Variants in ZIC4 observed in about 807,000 individuals in gnomAD.
The protein encoded by ZIC4 is zinc finger protein ZIC 4.
A neutral mutation model predicts 28.8 loss-of-function variants in ZIC4; 15 were observed. That is an observed-to-expected ratio of 0.52 (90% CI 0.35 to 0.80). ZIC4 has a LOEUF of 0.80. Among genes scored for constraint, ZIC4 ranks in the 30% least tolerant of loss-of-function variants. The pLI, the probability that ZIC4 is intolerant of heterozygous loss-of-function variation, is 0.01. For synonymous variants in ZIC4, 220 were observed against 198.1 expected (o/e 1.11, Z -0.93); for missense variants, 512 against 467.1 (o/e 1.10, Z -0.89).
chr3:147,394,228 G>T (rs1251484641), intron 3 of ZIC4, among the ~76,000 whole-genome samples: 3 of 151,616 alleles, frequency 2.0e-5, no homozygotes, highest in African/African-American at 4.8e-5. Context: ...GTTGTTGGTC[G>T]TGTTTGTTTG....
At chr3:147,391,976 C>T (rs1364438828) in intron 3 of ZIC4, 7 of 985,326 alleles carry the variant, frequency 7.1e-6, no homozygotes, top group Non-Finnish European at 8.4e-6. Context: ...TTGCCTAAAC[C>T]TTCCGGGATC....
chr3:147,396,394 T>C lies in ZIC4; in HGVS notation c.146A>G (p.Glu49Gly). Reference protein sequence around the residue: ...SPSVFPGLHEEPPQASPSRPL... With the variant: ...SPSVFPGLHEGPPQASPSRPL... ...ACGGCTGGGGGAGGCCTGGGGAGGC[T>C]CCTCGTGGAGGCCCGGGAACACCGA... Residue 49 changes from glutamate to glycine, a missense_variant, in exon 3 of 5, where the codon GAG becomes GGG. Physicochemically the swap from Glu to Gly is moderately conservative, Grantham distance 98 (BLOSUM62 -2). This residue lies in a region of ZIC4 where 310 missense variants were observed against 256.5 expected (regional missense o/e 1.21). Coordinates refer to ENST00000383075, the MANE Select transcript of ZIC4 (RefSeq NM_032153.6). This position sits in a 1 kb window ranked among gnomAD's most constrained non-coding sequence, Gnocchi z 4.2. 1 of 1,527,856 alleles carries C rather than the reference T, an allele frequency of 6.5e-7. No individual in the cohort carries two copies. The highest frequency in any genetic ancestry group is 8.8e-7 in the Non-Finnish European group (1 of 1,141,888). The allele number at this position is 1,527,856 out of a possible 1,614,324, so 94.6% of individuals were successfully genotyped here.
chr3:147,396,276 G>A lies in ZIC4; in HGVS notation c.264C>T (p.Ala88=). The change falls in exon 3 of 5, where the codon GCC becomes GCT. Residue 88 remains alanine, a synonymous_variant. Coordinates refer to ENST00000383075, the MANE Select transcript of ZIC4 (RefSeq NM_032153.6). The surrounding 1 kb of genome is among the most constrained non-coding windows in gnomAD (Gnocchi z 4.2). The part of the protein sequence containing the change: ...FPPGPAARSD[A]LAAAAALHGY... Reference sequence around the variant, plus strand: ...CATGCAGGGCTGCGGCAGCTGCCAGGGCGTCGCTGCGGGCCGCAGGCCCTG... The same window carrying A: ...CATGCAGGGCTGCGGCAGCTGCCAGAGCGTCGCTGCGGGCCGCAGGCCCTG... The A allele has an allele frequency of 6.2e-7, 1 of 1,610,346 alleles. No homozygotes were observed. Among genetic ancestry groups the A allele is most frequent in the Non-Finnish European group, 8.5e-7 (1 of 1,178,264 alleles).
Position 147,395,942 on chromosome 3 carries a change from C to T in ZIC4, c.598G>A (p.Gly200Ser), listed in dbSNP as rs1245302153. Residue 200 changes from glycine to serine, a missense_variant, in exon 3 of 5, where the codon GGC (glycine) becomes AGC (serine). Gly to Ser is a moderately conservative substitution (Grantham distance 56). Coordinates refer to ENST00000383075, the MANE Select transcript of ZIC4 (RefSeq NM_032153.6). ...KLVNHIRVHT[G>S]EKPFPCPFPG... ...AAAGGACAAGGGAAGGGCTTCTCGC[C>T]CGTGTGCACGCGGATGTGATTTACA... is the stretch of plus-strand genomic sequence containing the variant. 1 of 1,614,234 alleles carries T rather than the reference C, an allele frequency of 6.2e-7. No homozygotes were observed. Among genetic ancestry groups the T allele is most frequent in the Non-Finnish European group, 8.5e-7 (1 of 1,180,050 alleles).
chr3:147,402,827 A>G lies in ZIC4; in HGVS notation c.-15-15T>C, dbSNP rs1160156873. 1.2e-6 allele frequency: 2 copies of G among 1,611,146 alleles called. No homozygotes were observed. The highest frequency in any genetic ancestry group is 2.7e-5 in the African/African-American group (2 of 74,812). On this transcript the variant is annotated splice_polypyrimidine_tract_variant and intron_variant, in intron 1 of 4. Transcript: ENST00000383075. ...TGACTTTGAGCCTGTTTGGGAAGAAAAGAGTGACAGTCACTAGTTAAACAA... is the reference window on the plus strand; with the variant it reads ...TGACTTTGAGCCTGTTTGGGAAGAAGAGAGTGACAGTCACTAGTTAAACAA...
rs1006876526 is a variant in ZIC4 at position 147,396,350 on chromosome 3, G to A, written c.190C>T (p.Arg64Cys). The stretch of plus-strand genomic sequence containing the variant: ...TACATGTCTCCAGGGAGCCCCAGAC[G>A]CAGGAGTCCATTCAAAGGACGGCTG... ...SPSRPLNGLLRLGLPGDMYAR... is the reference protein window; with the variant it reads ...SPSRPLNGLLCLGLPGDMYAR... Residue 64 changes from arginine (R) to cysteine (C), a missense_variant, in exon 3 of 5, where the codon CGT becomes TGT. Coordinates refer to ENST00000383075, the MANE Select transcript of ZIC4 (RefSeq NM_032153.6). This position sits in a 1 kb window ranked among gnomAD's most constrained non-coding sequence, Gnocchi z 4.2. 2.6e-6 allele frequency: 4 copies of A among 1,563,094 alleles called. No individual in the cohort carries two copies. The highest frequency in any genetic ancestry group is 1.9e-5 in the Admixed American group (1 of 51,582).
chr3:147,396,434 C>T lies in ZIC4; in HGVS notation c.106G>A (p.Ala36Thr). 2 of 1,520,650 alleles carry T rather than the reference C, an allele frequency of 1.3e-6. No homozygotes were observed. Among genetic ancestry groups the T allele is most frequent in the Non-Finnish European group, 1.8e-6 (2 of 1,138,206 alleles). The allele number at this position is 1,520,650 out of a possible 1,614,324, so 94.2% of individuals were successfully genotyped here. ...SSGHHGPQLTAASSPSVFPGL... is the reference protein window; with the variant it reads ...SSGHHGPQLTTASSPSVFPGL... Reference sequence around the variant, plus strand: ...GGGAACACCGAGGGGCTGGAGGCGGCGGTGAGCTGGGGGCCATGGTGTCCA... The same window carrying T: ...GGGAACACCGAGGGGCTGGAGGCGGTGGTGAGCTGGGGGCCATGGTGTCCA... Residue 36 changes from alanine to threonine, a missense_variant, in exon 3 of 5, where the codon GCC becomes ACC. By Grantham distance (58) the Ala-to-Thr change is moderately conservative. Around this residue, in one of 3 missense-constraint regions of ZIC4, gnomAD observed 310 missense variants for 256.5 expected, o/e 1.21. Transcript: ENST00000383075. This position sits in a 1 kb window ranked among gnomAD's most constrained non-coding sequence, Gnocchi z 4.2.
intron 4 of ZIC4, chr3:147,389,112 G>A (rs2086854726): frequency 1.8e-6 from 1 of 566,960 alleles, no homozygotes; most frequent in African/African-American, 1.9e-5. Context: ...CCGACTGCCC[G>A]CGCTGGGTCA....
intron 2 of ZIC4, among the ~76,000 whole-genome samples, chr3:147,401,489 C>G (rs1198902169): frequency 6.7e-6 from 1 of 149,488 alleles, no homozygotes; most frequent in Middle Eastern, 3.2e-3. Flanking sequence ...GAATGTTCTG[C>G]ACTAAATCAA....
intron 3 of ZIC4, chr3:147,393,888 A>T (rs913904531): frequency 1.8e-5 from 8 of 456,564 alleles, no homozygotes; most frequent in African/African-American, 1.4e-4. Flanking sequence ...TGACCGCCAC[A>T]AAGTGAATCC....
intron 1 of ZIC4, chr3:147,403,953 G>C: frequency 6.5e-7 from 1 of 1,536,168 alleles, no homozygotes; most frequent in South Asian, 1.2e-5. Flanking sequence ...GAGGCAGGGG[G>C]GTAGACTCAC....
intron 1 of ZIC4, chr3:147,405,328 G>T (rs1168986411): frequency 1.3e-6 from 2 of 1,494,366 alleles, no homozygotes; most frequent in South Asian, 1.3e-5. Context: ...CAGTGGTGTG[G>T]GTCGCTGCGA....
Position 147,396,216 on chromosome 3 carries a change from A to T in ZIC4, c.324T>A (p.Ala108=). 6.2e-7 allele frequency: 1 copy of T among 1,613,958 alleles called. No homozygotes were observed. Among genetic ancestry groups the T allele is most frequent in the Non-Finnish European group, 8.5e-7 (1 of 1,179,954 alleles). Residue 108 remains alanine, a synonymous_variant, in exon 3 of 5, where the codon GCT becomes GCA. Coordinates refer to ENST00000383075, the MANE Select transcript of ZIC4 (RefSeq NM_032153.6). The surrounding 1 kb of genome is among the most constrained non-coding windows in gnomAD (Gnocchi z 4.2). ...YGGMNLTVNL[A]APHGPGAFFR... is the part of the protein sequence containing the mutation. ...AGAAAGCGCCAGGACCGTGGGGCGC[A>T]GCGAGGTTCACCGTCAGGTTCATGC...
Position 147,388,754 on chromosome 3 carries a change from C to A in ZIC4, c.*105G>T. The A allele has an allele frequency of 2.8e-6, 2 of 724,822 alleles. No individual in the cohort carries two copies. The highest frequency in any genetic ancestry group is 2.5e-5 in the East Asian group (1 of 40,402). 44.9% of individuals were successfully genotyped at this position (724,822 alleles called of 1,614,324 possible). Reference sequence around the variant, plus strand: ...AACTTACCATGAAGATGCACCGTGGCGAAGAAACACTGCTTTGTGCGCGGG... The same window carrying A: ...AACTTACCATGAAGATGCACCGTGGAGAAGAAACACTGCTTTGTGCGCGGG... On this transcript the variant is annotated 3_prime_UTR_variant, in exon 5 of 5. Transcript: ENST00000383075.
At chr3:147,389,095 T>C in intron 4 of ZIC4, 2 of 574,556 alleles carry the variant, frequency 3.5e-6, no homozygotes, top group East Asian at 2.9e-5. Context: ...GAAGGAGTTG[T>C]TTGTTGCCGA....
chr3:147,394,531 A>G (rs1210895720), intron 3 of ZIC4, among the ~76,000 whole-genome samples: 10 of 150,584 alleles, frequency 6.6e-5, no homozygotes, highest in African/African-American at 2.4e-4. Context: ...CAGGACTGCG[A>G]GTCTACCTTC....
In ZIC4 at chr3:147,396,423, G is replaced by A. The variant is rs373963441; in HGVS notation, c.117C>T (p.Ser39=). 2 of 1,522,114 alleles carry A rather than the reference G, an allele frequency of 1.3e-6. No homozygotes were observed. Among genetic ancestry groups the A allele is most frequent in the Non-Finnish European group, 1.8e-6 (2 of 1,138,964 alleles). 94.3% of individuals were successfully genotyped at this position (1,522,114 alleles called of 1,614,324 possible). ...HHGPQLTAAS[S]PSVFPGLHEE... ...CGTGGAGGCCCGGGAACACCGAGGGGCTGGAGGCGGCGGTGAGCTGGGGGC... is the reference window on the plus strand; with the variant it reads ...CGTGGAGGCCCGGGAACACCGAGGGACTGGAGGCGGCGGTGAGCTGGGGGC... Residue 39 remains serine, a synonymous_variant, in exon 3 of 5, where the codon AGC becomes AGT. Coordinates refer to ENST00000383075, the MANE Select transcript of ZIC4 (RefSeq NM_032153.6). The surrounding 1 kb of genome is among the most constrained non-coding windows in gnomAD (Gnocchi z 4.2).
chr3:147,391,955 T>C, intron 3 of ZIC4: 1 of 985,354 alleles, frequency 1.0e-6, no homozygotes, highest in Non-Finnish European at 1.2e-6. Flanking sequence ...TTTAGCAGCA[T>C]TCTTCAAATC....
At chr3:147,400,841 G>A (rs961291308) in intron 2 of ZIC4, among the ~76,000 whole-genome samples, 1 of 151,636 alleles carries the variant, frequency 6.6e-6, no homozygotes, top group East Asian at 1.9e-4. Context: ...AAGGAATGGT[G>A]TCTCCTCAGT....
Sources: gnomAD v4.1 joint callset for allele counts (sites outside exome capture counted in the v4.1 genomes callset) on GRCh38, gnomAD v4.1.1 for gene constraint, gnomAD v4.1.1 regional missense constraint, Gnocchi (gnomAD v3.1) non-coding constraint, MANE v1.5 for transcripts, NCBI Gene and HGNC (gene_info 2026-07-23, HGNC 2026-07-21) for gene names.